The following FNBP4 variants were observed in gnomAD, a reference collection of about 807,000 sequenced individuals.
The protein encoded by FNBP4 is formin binding protein 4, also known as formin-binding protein 4.
FNBP4 carries 34 observed loss-of-function variants against 119.3 expected under a neutral mutation model. The ratio of observed to expected loss-of-function variants is 0.28; its 90% CI spans 0.22 to 0.38. The LOEUF (loss-of-function observed/expected upper bound fraction) is 0.38. FNBP4 is among the 10% of genes least tolerant of loss of function. The pLI is 1.00. For synonymous variants in FNBP4, 462 were observed against 430.6 expected (o/e 1.07, Z -0.90); for missense variants, 1,112 against 1,228.9 (o/e 0.90, Z 1.42).
intron 2 of FNBP4, among the ~76,000 whole-genome samples, chr11:47,757,732 G>A (rs894119710): frequency 6.6e-6 from 1 of 152,006 alleles, no homozygotes; most frequent in African/African-American, 2.4e-5. Context: ...GACCTCAAGT[G>A]ATCTGCCCAC....
chr11:47,760,525 G>A (rs1303504720), intron 2 of FNBP4, among the ~76,000 whole-genome samples: 2 of 151,154 alleles, frequency 1.3e-5, no homozygotes, highest in African/African-American at 2.4e-5. Flanking sequence ...TCTGCCTCCC[G>A]TGTTCAAGCG....
intron 2 of FNBP4, among the ~76,000 whole-genome samples, chr11:47,761,505 T>C (rs931415621): frequency 6.6e-6 from 1 of 151,828 alleles, no homozygotes; most frequent in African/African-American, 2.4e-5. Flanking sequence ...AGCAGGAGAA[T>C]CACTTTAACT....
intron 1 of FNBP4, among the ~76,000 whole-genome samples, chr11:47,766,251 T>C (rs1409099614): frequency 6.6e-6 from 1 of 151,638 alleles, no homozygotes. Flanking sequence ...GAGGTGGAGG[T>C]TGCAGTGAGC....
At chr11:47,753,147 CA>C (rs1337215859) in intron 3 of FNBP4, 45 bp from the exon 4 acceptor site, 2 of 1,493,144 alleles carry the variant, frequency 1.3e-6, no homozygotes, top group Non-Finnish European at 9.0e-7. Flanking sequence ...ATATCAAAAA[CA>C]AGAAACTTAA....
rs767881089 is a variant in FNBP4, at chr11:47,751,186, A to G, written c.742T>C (p.Tyr248His). ...TNEVTWELPQ[Y>H]LATQVQGLQH... ...AATCCCTGTACCTGTGTGGCAAGAT[A>G]TTGGGGTAACTCCCAAGTCACTTCA... Residue 248 changes from tyrosine (Y) to histidine (H), a missense_variant, in exon 5 of 17, where the codon TAT becomes CAT. By Grantham distance (83) the Tyr-to-His change is moderately conservative. This residue lies in a region of FNBP4 where 826 missense variants were observed against 988.8 expected (regional missense o/e 0.84). Transcript: ENST00000263773. 1.2e-6 allele frequency: 2 copies of G among 1,614,166 alleles called. No homozygotes were observed. The highest frequency in any genetic ancestry group is 3.3e-5 in the Admixed American group (2 of 60,012).
At chr11:47,751,623 T>G (rs1371209644) in intron 4 of FNBP4, among the ~76,000 whole-genome samples, 2 of 152,114 alleles carry the variant, frequency 1.3e-5, no homozygotes, top group East Asian at 3.8e-4. Context: ...TCTCAATATC[T>G]AACATTTAGA....
At chr11:47,740,433 T>C (rs2097580294) in intron 8 of FNBP4, among the ~76,000 whole-genome samples, 1 of 150,590 alleles carries the variant, frequency 6.6e-6, no homozygotes. Flanking sequence ...AAATATAACA[T>C]GGCTTATTAA....
intron 8 of FNBP4, among the ~76,000 whole-genome samples, chr11:47,743,303 C>T (rs954457472): frequency 5.3e-5 from 8 of 151,740 alleles, no homozygotes; most frequent in Non-Finnish European, 1.0e-4. Flanking sequence ...GCCAACATGG[C>T]GAAACTCCGT....
At chr11:47,764,243 A>G (rs2097642119) in intron 2 of FNBP4, among the ~76,000 whole-genome samples, 2 of 152,126 alleles carry the variant, frequency 1.3e-5, no homozygotes, top group Non-Finnish European at 2.9e-5. Context: ...CACCATGCCC[A>G]GCTAATTTTT....
chr11:47,758,808 G>C (rs756039328), intron 2 of FNBP4, among the ~76,000 whole-genome samples: 2 of 151,834 alleles, frequency 1.3e-5, no homozygotes, highest in African/African-American at 4.8e-5. Context: ...GCAGTGAGCT[G>C]AGATCACGTC....
intron 7 of FNBP4, among the ~76,000 whole-genome samples, 177 bp from the exon 8 acceptor site, chr11:47,744,340 C>A (rs2097586351): frequency 6.6e-6 from 1 of 152,090 alleles, no homozygotes; most frequent in African/African-American, 2.4e-5. Flanking sequence ...GTGGCATGAT[C>A]ATGGCTCGCT....
At chr11:47,727,306 G>C (rs2097562239) in intron 12 of FNBP4, among the ~76,000 whole-genome samples, 1 of 148,316 alleles carries the variant, frequency 6.7e-6, no homozygotes, top group Non-Finnish European at 1.5e-5. Context: ...CCGGAGTGCA[G>C]TGACGCAATC....
Position 47,746,202 on chromosome 11 carries a change from T to C in FNBP4, c.1099A>G (p.Thr367Ala), listed in dbSNP as rs1407580437. 1.2e-6 allele frequency: 2 copies of C among 1,614,216 alleles called. No individual in the cohort carries two copies. The highest frequency in any genetic ancestry group is 2.2e-5 in the East Asian group (1 of 44,880). The change falls in exon 7 of 17, where the codon ACA becomes GCA. Residue 367 changes from threonine to alanine, a missense_variant. Transcript: ENST00000263773. ...ETSTTVEEAT[T>A]IVKPQEIMLD... is the part of the protein sequence containing the mutation. ...ATAATTTCCTGTGGCTTTACTATTG[T>C]TGTTGCTTCTTCTACTGTTGTACTT...
In FNBP4 at chr11:47,750,896, A is replaced by C. The variant is rs1278931466; in HGVS notation, c.906+20T>G. On this transcript the variant is annotated intron_variant, in intron 6 of 16. Transcript: ENST00000263773. ...TATTAGATCTGAAAATAAACAAATG[A>C]GGTAAGTTTCGACACTGACCTTTTT... 6.2e-7 allele frequency: 1 copy of C among 1,612,404 alleles called. No homozygotes were observed.
Position 47,765,342 on chromosome 11 carries a change from C to T in FNBP4, c.241G>A (p.Glu81Lys). ...GGATTCTGAACAACTCTAGGAACCT[C>T]CTGCACCGCTTCCTGTTCATCTGGA... ...PSEDEQEAVQEVPRVVQNPPK... is the reference protein window; with the variant it reads ...PSEDEQEAVQKVPRVVQNPPK... The change falls in exon 2 of 17, where the codon GAG becomes AAG. Residue 81 changes from glutamate to lysine, a missense_variant. Transcript: ENST00000263773. 4 of 1,598,150 alleles carry T rather than the reference C, an allele frequency of 2.5e-6. No homozygotes were observed. The highest frequency in any genetic ancestry group is 3.4e-6 in the Non-Finnish European group (4 of 1,173,272).
At chr11:47,725,467 G>A (rs1357173791) in intron 12 of FNBP4, 1 of 152,156 alleles carries the variant, frequency 6.6e-6, no homozygotes, top group Non-Finnish European at 1.5e-5. Context: ...ACATTCATTT[G>A]TGATATCACA....
intron 4 of FNBP4, chr11:47,752,682 T>G (rs2097606579): frequency 2.5e-6 from 1 of 401,792 alleles, no homozygotes; most frequent in Non-Finnish European, 4.5e-6. Flanking sequence ...GGCATGGCAG[T>G]GTGCGCCTGT....
At chr11:47,726,407 A>ATTTTTT (rs5791786) in intron 12 of FNBP4, 1 of 135,688 alleles carries the variant, frequency 7.4e-6, no homozygotes, top group African/African-American at 2.8e-5. Flanking sequence ...CTAATTTTTA[A>ATTTTTT]TTTTTTTTTT....
At position 47,732,461 on chromosome 11, in the gene FNBP4, T is replaced by C. The variant is rs566513734; in HGVS notation, c.1820+76A>G. On this transcript the variant is annotated intron_variant, in intron 11 of 16. Transcript: ENST00000263773. This position sits in a 1 kb window ranked among gnomAD's most constrained non-coding sequence, Gnocchi z 4.2. ...CTCAGTCTCCAGACAGGCTGTCATG[T>C]CGTCAGATGGTGGTGATCACAAATC... 46 of 1,595,670 alleles carry C rather than the reference T, an allele frequency of 2.9e-5. No homozygotes were observed. The East Asian group carries it at 9.2e-4, about 32-fold the overall frequency.
Sources: allele counts gnomAD v4.1 joint callset (sites outside exome capture counted in the v4.1 genomes callset), GRCh38; gene constraint gnomAD v4.1.1; regional missense constraint gnomAD v4.1.1; non-coding constraint Gnocchi (gnomAD v3.1); transcripts MANE v1.5; gene names NCBI Gene and HGNC (gene_info 2026-07-23, HGNC 2026-07-21).